The following GLB1L3 variants were observed in gnomAD, a reference collection of about 807,000 sequenced individuals.
GLB1L3 encodes the protein beta-galactosidase-1-like protein 3.
A neutral mutation model predicts 89.5 loss-of-function variants in GLB1L3; 89 were observed. The ratio of observed to expected loss-of-function variants is 0.99; its 90% CI spans 0.84 to 1.19. GLB1L3 has a LOEUF of 1.19. GLB1L3 is among the 50% of genes most tolerant of loss of function. The probability of loss-of-function intolerance (pLI) is 0.00; values close to 1 mark genes in which losing one functional copy is unlikely to be tolerated. For missense variants in GLB1L3, 812 were observed against 813.3 expected, an observed-to-expected ratio of 1.00 and a Z score of 0.02; for synonymous variants, 314 against 312.3, an observed-to-expected ratio of 1.01 and a Z score of -0.06.
intron 9 of GLB1L3, among the ~76,000 whole-genome samples, chr11:134,298,270 G>T (rs1453952430): frequency 6.6e-6 from 1 of 152,120 alleles, no homozygotes; most frequent in Non-Finnish European, 1.5e-5. Flanking sequence ...TACACGATAT[G>T]TTCCAGAAAA....
Position 134,307,168 on chromosome 11 carries a change from C to A in GLB1L3, c.921C>A (p.Phe307Leu), listed in dbSNP as rs764686703. 2.5e-6 allele frequency: 4 copies of A among 1,613,346 alleles called. No individual in the cohort carries two copies. Among genetic ancestry groups the A allele is most frequent in the South Asian group, 2.2e-5 (2 of 90,994 alleles). The change falls in exon 10 of 20, where the codon TTC becomes TTA. Residue 307 changes from phenylalanine to leucine, a missense_variant. Phe to Leu is a conservative substitution (Grantham distance 22). This residue lies in a region of GLB1L3 where 618 missense variants were observed against 604.0 expected (regional missense o/e 1.02). Transcript: ENST00000431683. Reference protein sequence around the residue: ...LLIMEYWVGWFDRWGDKHHVK... With the variant: ...LLIMEYWVGWLDRWGDKHHVK... ...TTATGGAATACTGGGTCGGCTGGTTCGACAGATGGGGAGATAAGCACCATG... is the reference window on the plus strand; with the variant it reads ...TTATGGAATACTGGGTCGGCTGGTTAGACAGATGGGGAGATAAGCACCATG...
intron 7 of GLB1L3, among the ~76,000 whole-genome samples, chr11:134,291,368 T>C (rs996045219): frequency 2.0e-5 from 3 of 151,980 alleles, no homozygotes; most frequent in Admixed American, 6.6e-5. Context: ...CAAGCAATTC[T>C]TGTGACTCAG....
chr11:134,316,137 C>T (rs1172046641), intron 18 of GLB1L3, among the ~76,000 whole-genome samples: 1 of 151,988 alleles, frequency 6.6e-6, no homozygotes, highest in Admixed American at 6.6e-5. Context: ...CCCCTTCTCC[C>T]ACCGCCTGGC....
At chr11:134,322,251 G>A (rs192490146), downstream of GLB1L3, among the ~76,000 whole-genome samples, 38 of 152,294 alleles carry the variant, frequency 2.5e-4, 1 homozygote, top group African/African-American at 8.7e-4. Context: ...TTCAATTCCT[G>A]AGAAAGATAT....
At chr11:134,313,884 A>T in intron 16 of GLB1L3, 57 bp from the exon 17 acceptor site, 1 of 1,120,106 alleles carries the variant, frequency 8.9e-7, no homozygotes, top group Non-Finnish European at 1.3e-6. Flanking sequence ...CCCAGATGCT[A>T]GAGAATATCC....
intron 9 of GLB1L3, 111 bp from the exon 10 acceptor site, chr11:134,307,013 G>A (rs1353053877): frequency 1.4e-6 from 1 of 712,150 alleles, no homozygotes; most frequent in Non-Finnish European, 2.4e-6. Flanking sequence ...TCTGAATTGG[G>A]AAAAAGGAGA....
chr11:134,315,468 G>A (rs1223755220), intron 18 of GLB1L3, among the ~76,000 whole-genome samples: 2 of 152,158 alleles, frequency 1.3e-5, no homozygotes, highest in African/African-American at 4.8e-5. Flanking sequence ...TTGAAAAAGT[G>A]TGTGAGTGTG....
rs1328926637 is a variant in GLB1L3, at chr11:134,293,008, G to T, written c.812-137G>T. The T allele has an allele frequency of 1.1e-5, 8 of 712,202 alleles. No individual in the cohort carries two copies. In the South Asian group the frequency reaches 1.3e-4, roughly 11 times the overall value. The allele number at this position is 712,202 out of a possible 1,614,324, so 44.1% of individuals were successfully genotyped here. ...CAGCCCTTTGGATGTGGCAGAGTGG[G>T]GTCCAGACAGCATCTCGCCATCCTC... On this transcript the variant is annotated intron_variant, in intron 8 of 19. Transcript: ENST00000431683.
chr11:134,287,041 GTCCCAGCTAC>G (rs1941045322), intron 6 of GLB1L3: 2 of 151,478 alleles, frequency 1.3e-5, no homozygotes, highest in Non-Finnish European at 2.9e-5. Context: ...GGCGCCTGTA[GTCCCAGCTAC>G]TCGGGAGGCT....
In GLB1L3 at chr11:134,293,229, C is replaced by A; in HGVS notation, c.876+20C>A. ...GTCCAGGTAAGACATTTCAGACAGG[C>A]AGGGTTTTACAGCTCCTCCTACCAT... On this transcript the variant is annotated intron_variant, in intron 9 of 19. Transcript: ENST00000431683. 1 of 1,586,128 alleles carries A rather than the reference C, an allele frequency of 6.3e-7. No homozygotes were observed. Among genetic ancestry groups the A allele is most frequent in the Non-Finnish European group, 8.7e-7 (1 of 1,154,846 alleles).
At chr11:134,282,192 T>G in intron 5 of GLB1L3, 72 bp downstream of exon 5, 1 of 1,451,362 alleles carries the variant, frequency 6.9e-7, no homozygotes, top group Non-Finnish European at 9.2e-7. Context: ...AATTTCAAGC[T>G]AGTAACAAGG....
chr11:134,304,522 ACT>A lies in GLB1L3; in HGVS notation c.877-2597_877-2596del, dbSNP rs1277235830. On this transcript the variant is annotated intron_variant, in intron 9 of 19. Transcript: ENST00000431683. ...CATCCATTTCCTTCTCATTCTTTCT[ACT>A]CTCTGTTCATTTTAACTGTGCTCAC... Among the ~76,000 whole-genome samples, 7 of 150,614 alleles carry A rather than the reference ACT, an allele frequency of 4.6e-5. No individual in the cohort carries two copies. The South Asian group carries it at 1.1e-3, about 23-fold the overall frequency.
downstream of GLB1L3, among the ~76,000 whole-genome samples, chr11:134,323,127 T>C (rs1200950968): frequency 6.6e-6 from 1 of 152,214 alleles, no homozygotes; most frequent in Non-Finnish European, 1.5e-5. Context: ...GTATGAAATG[T>C]TATCTCACTG....
intron 10 of GLB1L3, among the ~76,000 whole-genome samples, chr11:134,308,120 CATCATCACATCACCACCACA>C (rs1942286054): frequency 1.2e-5 from 1 of 83,958 alleles, no homozygotes; most frequent in African/African-American, 3.6e-5. Context: ...ATACCACCAC[CATCATCACATCACCACCACA>C]ATCACCATCA....
At chr11:134,298,862 G>C (rs1050340862) in intron 9 of GLB1L3, among the ~76,000 whole-genome samples, 28 of 152,236 alleles carry the variant, frequency 1.8e-4, no homozygotes, top group African/African-American at 6.3e-4. Flanking sequence ...TGCAAGATTA[G>C]GTCATTAATT....
chr11:134,316,519 A>G (rs1230655520), intron 18 of GLB1L3, among the ~76,000 whole-genome samples: 1 of 152,204 alleles, frequency 6.6e-6, no homozygotes, highest in Non-Finnish European at 1.5e-5. Context: ...TATAAATTCT[A>G]TCTAAAAAAT....
rs1940447456 is a variant in GLB1L3 at position 134,277,584 on chromosome 11, C to G, written c.150-116C>G. On this transcript the variant is annotated intron_variant, in intron 2 of 19. Coordinates refer to ENST00000431683, the MANE Select transcript of GLB1L3 (RefSeq NM_001080407.3). Reference sequence around the variant, plus strand: ...AGAACACGTCCTACTAACATATGCACAGAACACGTCCTACTAACAAAAACT... The same window carrying G: ...AGAACACGTCCTACTAACATATGCAGAGAACACGTCCTACTAACAAAAACT... 5 of 1,503,436 alleles carry G rather than the reference C, an allele frequency of 3.3e-6. No homozygotes were observed. In the South Asian group the frequency reaches 5.7e-5, roughly 17 times the overall value. 93.1% of individuals were successfully genotyped at this position (1,503,436 alleles called of 1,614,324 possible). A position where few individuals can be genotyped will look rare whatever the true frequency, so the allele number is the denominator to read the frequency against.
At position 134,283,724 on chromosome 11, in the gene GLB1L3, C is replaced by T. The variant is rs367609057; in HGVS notation, c.528-13C>T. ...CCCGTCTCAGACCCTGAGCCCGCCC[C>T]TCTTGCCCCCAGCTGGCTCCTGCAA... On this transcript the variant is annotated splice_polypyrimidine_tract_variant and intron_variant, in intron 5 of 19. Transcript: ENST00000431683. 5.1e-6 allele frequency: 8 copies of T among 1,561,116 alleles called. No homozygotes were observed. The East Asian group carries it at 1.3e-4, about 26-fold the overall frequency.
intron 9 of GLB1L3, among the ~76,000 whole-genome samples, chr11:134,297,319 A>C (rs895690713): frequency 6.6e-6 from 1 of 152,208 alleles, no homozygotes; most frequent in Non-Finnish European, 1.5e-5. Context: ...TTGCTTTAAA[A>C]AATTCAATTT....
Sources: allele counts gnomAD v4.1 joint callset (sites outside exome capture counted in the v4.1 genomes callset), GRCh38; gene constraint gnomAD v4.1.1; regional missense constraint gnomAD v4.1.1; transcripts MANE v1.5; gene names NCBI Gene and HGNC (gene_info 2026-07-23, HGNC 2026-07-21).